ERCC6L2: variants seen among roughly 807,000 people sequenced by gnomAD.
ERCC6L2 encodes the protein ERCC excision repair 6 like 2.
In ERCC6L2, 77 loss-of-function variants were observed where a neutral mutation model predicts 132.0. The observed-to-expected ratio is 0.58, with a 90% CI of 0.49 to 0.71. ERCC6L2 has a LOEUF of 0.71. Among genes scored for constraint, ERCC6L2 ranks in the 30% least tolerant of loss-of-function variants. ERCC6L2 has a pLI of 0.00. For missense variants in ERCC6L2, 1,542 were observed against 1,837.6 expected, an observed-to-expected ratio of 0.84 and a Z score of 2.94; for synonymous variants, 583 against 632.4, an observed-to-expected ratio of 0.92 and a Z score of 1.17.
At chr9:96,003,545 T>C (rs1434490311) in intron 17 of ERCC6L2, among the ~76,000 whole-genome samples, 1 of 152,230 alleles carries the variant, frequency 6.6e-6, no homozygotes, top group African/African-American at 2.4e-5. Context: ...ATTTGACTCC[T>C]CATTCCTGTT....
At chr9:95,928,302 A>C (rs1433214962) in intron 10 of ERCC6L2, 152 bp downstream of exon 10, 1 of 491,564 alleles carries the variant, frequency 2.0e-6, no homozygotes, top group African/African-American at 2.0e-5. Context: ...GTTTTTAAAC[A>C]GACACTAAAA....
Position 95,962,251 on chromosome 9 carries a change from T to TG in ERCC6L2, c.1948-4304dup, listed in dbSNP as rs200990866. On this transcript the variant is annotated intron_variant, in intron 13 of 18. Transcript: ENST00000653738. The stretch of plus-strand genomic sequence containing the variant: ...TTAAAAAATGCATATTGAGGTGTTT[T>TG]GGGGGGGTTGGGGAGATTGGTGCTG... 9.5e-3 allele frequency among the ~76,000 whole-genome samples: 1,439 copies of TG among 152,106 alleles called. 29 individuals are homozygous for TG. Among genetic ancestry groups the TG allele is most frequent in the African/African-American group, 0.033 (1,364 of 41,506 alleles).
At chr9:95,943,576 G>T (rs1386319007) in intron 12 of ERCC6L2, among the ~76,000 whole-genome samples, 3 of 152,082 alleles carry the variant, frequency 2.0e-5, no homozygotes, top group African/African-American at 7.2e-5. Flanking sequence ...GCAGTCTACA[G>T]AATGGGAGAA....
At chr9:95,945,680 A>G (rs1009151785) in intron 12 of ERCC6L2, among the ~76,000 whole-genome samples, 1 of 152,228 alleles carries the variant, frequency 6.6e-6, no homozygotes, top group Non-Finnish European at 1.5e-5. Flanking sequence ...TTCTTCTGCC[A>G]TGGCTTCAGC....
At chr9:95,925,646 T>G (rs867608612) in intron 9 of ERCC6L2, among the ~76,000 whole-genome samples, 16 of 152,230 alleles carry the variant, frequency 1.1e-4, no homozygotes, top group African/African-American at 3.4e-4. Flanking sequence ...ATCTCCAGTC[T>G]AAAAACATTT....
At chr9:95,907,838 C>CACACACACACAA (rs1554741182) in intron 4 of ERCC6L2, among the ~76,000 whole-genome samples, 9 of 117,576 alleles carry the variant, frequency 7.7e-5, no homozygotes, top group Admixed American at 7.3e-4. Context: ...CACACACACA[C>CACACACACACAA]ACACACACAC....
chr9:95,883,407 C>T (rs558552143), intron 2 of ERCC6L2, among the ~76,000 whole-genome samples: 54 of 152,268 alleles, frequency 3.5e-4, no homozygotes, highest in African/African-American at 1.3e-3. Flanking sequence ...GTTTCAGTAA[C>T]GCCATCTGTG....
In ERCC6L2 at chr9:95,923,380, G is replaced by T; in HGVS notation, c.1533+1G>T. Reference sequence around the variant, plus strand: ...CCCTAAATACAGTGGAAAAATGAAGGTAAGTGCTCCTCTTTCAGGTTGCAT... The same window carrying T: ...CCCTAAATACAGTGGAAAAATGAAGTTAAGTGCTCCTCTTTCAGGTTGCAT... On this transcript the variant is annotated splice_donor_variant, in intron 9 of 18. Coordinates refer to ENST00000653738, the MANE Select transcript of ERCC6L2 (RefSeq NM_020207.7). LOFTEE classifies it high-confidence loss of function. 6.2e-7 allele frequency: 1 copy of T among 1,612,704 alleles called. No homozygotes were observed. The highest frequency in any genetic ancestry group is 1.3e-5 in the African/African-American group (1 of 74,982).
chr9:95,974,454 G>C (rs1384653279), intron 16 of ERCC6L2, among the ~76,000 whole-genome samples: 3 of 152,130 alleles, frequency 2.0e-5, no homozygotes, highest in Non-Finnish European at 4.4e-5. Context: ...TGTGGATAGA[G>C]GGGAATCTCT....
chr9:95,991,296 G>A (rs1030714821), intron 17 of ERCC6L2, among the ~76,000 whole-genome samples: 2 of 152,064 alleles, frequency 1.3e-5, no homozygotes, highest in Admixed American at 6.6e-5. Context: ...CCACATTCTT[G>A]CAGGAAAAAG....
At chr9:95,935,386 G>A (rs1830509178) in intron 11 of ERCC6L2, among the ~76,000 whole-genome samples, 2 of 152,156 alleles carry the variant, frequency 1.3e-5, no homozygotes, top group Admixed American at 1.3e-4. Flanking sequence ...GACTACATAG[G>A]AGAACTCATG....
intron 19 of ERCC6L2, among the ~76,000 whole-genome samples, chr9:96,031,275 G>A (rs1241534295): frequency 6.6e-6 from 1 of 152,140 alleles, no homozygotes. Context: ...GGACCAGGGT[G>A]GGTTGTTTTG....
downstream of ERCC6L2, among the ~76,000 whole-genome samples, chr9:96,019,405 C>T (rs1436091644): frequency 3.9e-5 from 6 of 152,258 alleles, no homozygotes; most frequent in Admixed American, 1.3e-4. Context: ...TCTTCCTCTC[C>T]GTCCACCACT....
chr9:95,940,417 G>T (rs967338421), intron 11 of ERCC6L2, among the ~76,000 whole-genome samples: 2 of 151,996 alleles, frequency 1.3e-5, no homozygotes, highest in East Asian at 3.9e-4. Flanking sequence ...CCCAGCTTGT[G>T]GTATCTTAAG....
chr9:95,945,590 A>C (rs1420570351), intron 12 of ERCC6L2, among the ~76,000 whole-genome samples: 2 of 152,188 alleles, frequency 1.3e-5, no homozygotes, highest in African/African-American at 4.8e-5. Context: ...TCAGAGATTG[A>C]AGTAAAGACA....
downstream of ERCC6L2, chr9:96,020,705 A>G: frequency 2.2e-6 from 1 of 446,696 alleles, no homozygotes; most frequent in Non-Finnish European, 4.5e-6. Context: ...TCCGCAGCTC[A>G]AAAGGAGAAA....
chr9:96,012,683 A>T lies in ERCC6L2; in HGVS notation c.4133A>T (p.Asp1378Val). Residue 1378 changes from aspartate to valine, a missense_variant, in exon 19 of 19, where the codon GAT becomes GTT. Physicochemically the swap from Asp to Val is radical, Grantham distance 152. Transcript: ENST00000653738. ...GGGAAAAACAGCCAGGCATCCGAAG[A>T]TACTGTGACATCCCGTTCTCTGAAC... is the stretch of plus-strand genomic sequence containing the variant. Reference protein sequence around the residue: ...DSGKNSQASEDTVTSRSLNSE... With the variant: ...DSGKNSQASEVTVTSRSLNSE... 7.3e-7 allele frequency: 1 copy of T among 1,367,670 alleles called. No homozygotes were observed. The highest frequency in any genetic ancestry group is 9.8e-7 in the Non-Finnish European group (1 of 1,021,854). 84.7% of individuals were successfully genotyped at this position (1,367,670 alleles called of 1,614,324 possible).
chr9:96,031,576 T>C (rs1834461102), intron 19 of ERCC6L2, among the ~76,000 whole-genome samples: 1 of 152,252 alleles, frequency 6.6e-6, no homozygotes, highest in Non-Finnish European at 1.5e-5. Flanking sequence ...CCAGTCAAGT[T>C]GCTTTCCAAA....
intron 4 of ERCC6L2, among the ~76,000 whole-genome samples, chr9:95,907,856 C>CACACACACACACACACACACACA (rs869053572): frequency 6.9e-6 from 1 of 145,830 alleles, no homozygotes; most frequent in East Asian, 2.0e-4. Context: ...CACACACACA[C>CACACACACACACACACACACACA]CCCCACACCC....
Sources: allele counts gnomAD v4.1 joint callset (sites outside exome capture counted in the v4.1 genomes callset), GRCh38; gene constraint gnomAD v4.1.1; transcripts MANE v1.5; gene names NCBI Gene and HGNC (gene_info 2026-07-23, HGNC 2026-07-21).